KCNH1: variants seen among roughly 807,000 people sequenced by gnomAD.
KCNH1 encodes voltage-gated delayed rectifier potassium channel KCNH1.
KCNH1 carries 27 observed loss-of-function variants against 69.2 expected under a neutral mutation model. That is an observed-to-expected ratio of 0.39 (90% confidence interval 0.29 to 0.54). The LOEUF (loss-of-function observed/expected upper bound fraction) is 0.54, where lower values mean the gene tolerates loss of function less well. KCNH1 is among the 20% of genes least tolerant of loss of function. The pLI is 0.68. For missense variants in KCNH1, 798 were observed against 1,261.6 expected, an observed-to-expected ratio of 0.63 and a Z score of 5.57; for synonymous variants, 456 against 487.7, an observed-to-expected ratio of 0.93 and a Z score of 0.86.
intron 6 of KCNH1, among the ~76,000 whole-genome samples, chr1:210,926,559 G>A (rs1687577761): frequency 6.6e-6 from 1 of 152,116 alleles, no homozygotes; most frequent in East Asian, 1.9e-4. Context: ...AAAAGAATCT[G>A]AACAATAGCC....
At chr1:211,121,137 TC>T (rs1691675646) in intron 1 of KCNH1, among the ~76,000 whole-genome samples, 1 of 152,192 alleles carries the variant, frequency 6.6e-6, no homozygotes, top group Non-Finnish European at 1.5e-5. Context: ...GCTATTCTCA[TC>T]AAACTACCAT....
chr1:210,833,404 G>A (rs965451145), intron 7 of KCNH1, among the ~76,000 whole-genome samples: 21 of 152,012 alleles, frequency 1.4e-4, no homozygotes, highest in Non-Finnish European at 2.6e-4. Context: ...TCTGATCTTT[G>A]ACAAACCTGA....
At chr1:210,859,261 C>A in intron 7 of KCNH1, 2 of 1,610,282 alleles carry the variant, frequency 1.2e-6, no homozygotes, top group South Asian at 2.2e-5. Flanking sequence ...GCTTCTCAAT[C>A]ATTTTGGATT....
At chr1:211,024,375 A>C (rs1200263450) in intron 5 of KCNH1, among the ~76,000 whole-genome samples, 1 of 152,200 alleles carries the variant, frequency 6.6e-6, no homozygotes, top group Non-Finnish European at 1.5e-5. Context: ...AGAGGGCGTA[A>C]CTGGCATAAT....
At chr1:210,833,512 A>C (rs1268363038) in intron 7 of KCNH1, among the ~76,000 whole-genome samples, 1 of 152,236 alleles carries the variant, frequency 6.6e-6, no homozygotes, top group Non-Finnish European at 1.5e-5. Context: ...TTCCTTCCTT[A>C]CACCTTACAC....
intron 6 of KCNH1, among the ~76,000 whole-genome samples, chr1:210,989,553 C>A (rs189032987): frequency 1.3e-3 from 193 of 152,298 alleles, no homozygotes; most frequent in African/African-American, 4.5e-3. Flanking sequence ...ACCTGATATG[C>A]CCTAGTGCTT....
chr1:210,798,583 A>G (rs1199044793), intron 8 of KCNH1, among the ~76,000 whole-genome samples: 1 of 152,204 alleles, frequency 6.6e-6, no homozygotes, highest in Middle Eastern at 3.2e-3. Context: ...ATTTTTGAGC[A>G]GGAGAATGTC....
chr1:210,853,956 A>AAAAAAAG (rs1397741774), intron 7 of KCNH1, among the ~76,000 whole-genome samples: 12 of 147,488 alleles, frequency 8.1e-5, no homozygotes, highest in Non-Finnish European at 1.5e-4. Context: ...CAAAAAAAAA[A>AAAAAAAG]AAAAAAAAAA....
intron 6 of KCNH1, among the ~76,000 whole-genome samples, chr1:210,939,838 T>C (rs1030801065): frequency 1.3e-5 from 2 of 152,184 alleles, no homozygotes; most frequent in African/African-American, 2.4e-5. Flanking sequence ...TACCTTTAAA[T>C]TCTCATCTTC....
At chr1:210,816,007 G>A (rs1178797779) in intron 7 of KCNH1, among the ~76,000 whole-genome samples, 1 of 152,172 alleles carries the variant, frequency 6.6e-6, no homozygotes, top group Non-Finnish European at 1.5e-5. Flanking sequence ...TTGGAAATAA[G>A]TCACTTTCTT....
chr1:210,862,214 G>A (rs1370374378), intron 7 of KCNH1: 18 of 1,183,442 alleles, frequency 1.5e-5, no homozygotes, highest in African/African-American at 7.5e-5. Flanking sequence ...TTGAGCTGGC[G>A]CTCCATGGCC....
chr1:210,691,959 G>C (rs1227134693), intron 10 of KCNH1, among the ~76,000 whole-genome samples: 1 of 152,248 alleles, frequency 6.6e-6, no homozygotes, highest in African/African-American at 2.4e-5. Flanking sequence ...TCCAGCACTA[G>C]TTAGGAGGAG....
chr1:210,736,659 A>T (rs1682887695), intron 10 of KCNH1, among the ~76,000 whole-genome samples: 1 of 152,032 alleles, frequency 6.6e-6, no homozygotes, highest in African/African-American at 2.4e-5. Flanking sequence ...AAAAACACAA[A>T]CTCTTAAAAT....
intron 6 of KCNH1, among the ~76,000 whole-genome samples, chr1:210,984,849 A>G (rs1571551934): frequency 6.6e-6 from 1 of 152,204 alleles, no homozygotes; most frequent in Non-Finnish European, 1.5e-5. Flanking sequence ...GAATAGTTTC[A>G]GAAGGAATGG....
At chr1:210,913,999 GA>G (rs889960904) in intron 7 of KCNH1, among the ~76,000 whole-genome samples, 1 of 151,568 alleles carries the variant, frequency 6.6e-6, no homozygotes, top group East Asian at 1.9e-4. Context: ...CACATGGCTG[GA>G]AAAAAAAGCC....
intron 7 of KCNH1, among the ~76,000 whole-genome samples, chr1:210,836,393 C>A (rs1053707337): frequency 6.6e-6 from 1 of 152,134 alleles, no homozygotes; most frequent in Non-Finnish European, 1.5e-5. Context: ...AATCATTAAG[C>A]CTGCCAGGAA....
At chr1:210,983,446 T>G (rs1489952778) in intron 6 of KCNH1, among the ~76,000 whole-genome samples, 1 of 152,216 alleles carries the variant, frequency 6.6e-6, no homozygotes, top group Non-Finnish European at 1.5e-5. Flanking sequence ...TTAATTTTTG[T>G]GTAAGGTGTA....
chr1:210,933,849 T>C (rs572813238), intron 6 of KCNH1, among the ~76,000 whole-genome samples: 1 of 152,176 alleles, frequency 6.6e-6, no homozygotes, highest in Non-Finnish European at 1.5e-5. Context: ...CATAGACCAA[T>C]GGATAGAATA....
At chr1:210,972,561 G>T (rs570865087) in intron 6 of KCNH1, among the ~76,000 whole-genome samples, 2 of 152,196 alleles carry the variant, frequency 1.3e-5, no homozygotes, top group East Asian at 3.9e-4. Context: ...AAGCCAGTTC[G>T]TTTTCTGATG....
Sources: gnomAD v4.1 joint callset for allele counts (sites outside exome capture counted in the v4.1 genomes callset) on GRCh38, gnomAD v4.1.1 for gene constraint, MANE v1.5 for transcripts, NCBI Gene and HGNC (gene_info 2026-07-23, HGNC 2026-07-21) for gene names.